ITGB7: variants seen among roughly 807,000 people sequenced by gnomAD.
The protein encoded by ITGB7 is integrin subunit beta 7.
ITGB7 carries 55 observed loss-of-function variants against 83.4 expected under a neutral mutation model. The ratio of observed to expected loss-of-function variants is 0.66; its 90% confidence interval spans 0.53 to 0.83. ITGB7 has a LOEUF of 0.83. Among genes scored for constraint, ITGB7 ranks in the 40% least tolerant of loss-of-function variants. The pLI, the probability that ITGB7 is intolerant of heterozygous loss-of-function variation, is 0.00. For synonymous variants in ITGB7, 454 were observed against 423.6 expected, an observed-to-expected ratio of 1.07 and a Z score of -0.88; for missense variants, 921 against 1,046.7, an observed-to-expected ratio of 0.88 and a Z score of 1.66.
Position 53,192,537 on chromosome 12 carries a change from C to T in ITGB7, c.1948G>A (p.Asp650Asn), listed in dbSNP as rs766166197. The T allele has an allele frequency of 6.2e-7, 1 of 1,613,732 alleles. No homozygotes were observed. The highest frequency in any genetic ancestry group is 1.7e-5 in the Admixed American group (1 of 60,032). The stretch of plus-strand genomic sequence containing the variant: ...CTGAAGGCCCCACACTCTGCACAGT[C>T]CCTGTGTAGTAGATGCCAATAGGTT... Reference protein sequence around the residue: ...GCKTPCERHRDCAECGAFRTG... With the variant: ...GCKTPCERHRNCAECGAFRTG... Residue 650 changes from aspartate to asparagine, a missense_variant and splice_region_variant, in exon 14 of 16, where the codon GAC (aspartate) becomes AAC (asparagine). By Grantham distance (23) the Asp-to-Asn change is conservative. Transcript: ENST00000267082.
At chr12:53,196,455 A>T in intron 6 of ITGB7, 124 bp downstream of exon 6, 1 of 1,339,892 alleles carries the variant, frequency 7.5e-7, no homozygotes, top group South Asian at 1.5e-5. Flanking sequence ...TAATTGCTAA[A>T]TATACAAACT....
chr12:53,191,904 T>C lies in ITGB7; in HGVS notation c.2271A>G (p.Glu757=), dbSNP rs1197102258. The change falls in exon 15 of 16, where the codon GAA becomes GAG. Residue 757 remains glutamate, a synonymous_variant. Transcript: ENST00000267082. ...RLSVEIYDRR[E]YSRFEKEQQQ... ...GCTGCTCCTTCTCAAAGCGACTGTATTCCCGGCGGTCATAGATTTCCACCG... is the reference window on the plus strand; with the variant it reads ...GCTGCTCCTTCTCAAAGCGACTGTACTCCCGGCGGTCATAGATTTCCACCG... 1 of 1,612,364 alleles carries C rather than the reference T, an allele frequency of 6.2e-7. No homozygotes were observed. The highest frequency in any genetic ancestry group is 1.1e-5 in the South Asian group (1 of 91,076).
intron 5 of ITGB7, 195 bp downstream of exon 5, chr12:53,197,298 C>A: frequency 3.0e-6 from 2 of 674,032 alleles, no homozygotes; most frequent in Non-Finnish European, 5.4e-6. Flanking sequence ...CGGATAGTCT[C>A]TTGAGTCCTC....
rs758177111 is a variant in ITGB7, at chr12:53,196,042, A to G, written c.974T>C (p.Phe325Ser). ...SNGLYSRSTE[F>S]DYPSVGQVAQ... Reference sequence around the variant, plus strand: ...GGCAGGGTGACAATAGGGACTCACAAACTCTGTGCTGCGACTGTAGAGGCC... The same window carrying G: ...GGCAGGGTGACAATAGGGACTCACAGACTCTGTGCTGCGACTGTAGAGGCC... The change falls in exon 7 of 16, where the codon TTT becomes TCT. Residue 325 changes from phenylalanine to serine, a missense_variant and splice_region_variant. Phe to Ser is a radical substitution (Grantham distance 155). Transcript: ENST00000267082. 5.6e-6 allele frequency: 9 copies of G among 1,613,850 alleles called. No homozygotes were observed. The highest frequency in any genetic ancestry group is 5.9e-6 in the Non-Finnish European group (7 of 1,179,786).
intron 5 of ITGB7, 85 bp from the exon 6 acceptor site, chr12:53,196,905 G>A (rs1179959890): frequency 4.0e-6 from 6 of 1,495,790 alleles, no homozygotes; most frequent in Non-Finnish European, 4.5e-6. Flanking sequence ...GGGAAGTGGG[G>A]TGGGGAGGAC....
At chr12:53,195,563 C>A in intron 8 of ITGB7, 63 bp downstream of exon 8, 1 of 1,541,018 alleles carries the variant, frequency 6.5e-7, no homozygotes, top group Non-Finnish European at 9.0e-7. Flanking sequence ...GAGAATGTAT[C>A]TTTGGGGGAA....
chr12:53,196,363 G>T (rs913499960), intron 6 of ITGB7, 164 bp from the exon 7 acceptor site: 4 of 1,004,426 alleles, frequency 4.0e-6, no homozygotes, highest in African/African-American at 1.6e-5. Flanking sequence ...GCCCCCTAAA[G>T]AAGGCTGCTG....
chr12:53,196,307 G>A, intron 6 of ITGB7, 108 bp from the exon 7 acceptor site: 1 of 1,345,792 alleles, frequency 7.4e-7, no homozygotes, highest in Non-Finnish European at 1.0e-6. Flanking sequence ...GAGTCAGCTT[G>A]TCCATCCCCT....
chr12:53,197,219 G>T (rs999835395), intron 5 of ITGB7: 2 of 574,636 alleles, frequency 3.5e-6, no homozygotes, highest in African/African-American at 3.7e-5. Context: ...GTAGGCCCAG[G>T]GCAGCTGTCC....
chr12:53,196,796 G>A lies in ITGB7; in HGVS notation c.599C>T (p.Thr200Met), dbSNP rs144035975. 1,125 of 1,601,446 alleles carry A rather than the reference G, an allele frequency of 7.0e-4. 1 individual carries two copies. Among genetic ancestry groups the A allele is most frequent in the Non-Finnish European group, 9.2e-4 (1,072 of 1,169,810 alleles). The part of the protein sequence containing the change: ...RIGFGSFVDK[T>M]VLPFVSTVPS... The stretch of plus-strand genomic sequence containing the variant: ...TACTGTGCTCACAAAGGGCAGCACC[G>A]TTTTGTCCACAAAGGAACCAAAACC... Residue 200 changes from threonine to methionine, a missense_variant, in exon 6 of 16, where the codon ACG (threonine) becomes ATG (methionine). Coordinates refer to ENST00000267082, the MANE Select transcript of ITGB7 (RefSeq NM_000889.3).
Position 53,192,809 on chromosome 12 carries a change from C to T in ITGB7, c.1828G>A (p.Gly610Arg). The change falls in exon 13 of 16, where the codon GGA becomes AGA. Residue 610 changes from glycine to arginine, a missense_variant. Transcript: ENST00000267082. ...GDMDSCISPEGGLCSGHGRCK... is the reference protein window; with the variant it reads ...GDMDSCISPERGLCSGHGRCK... ...CGTCCATGCCCACTGCAGAGCCCTC[C>T]CTCGGGACTGATGCAACTGTCCATG... 4 of 1,614,240 alleles carry T rather than the reference C, an allele frequency of 2.5e-6. No individual in the cohort carries two copies. The highest frequency in any genetic ancestry group is 3.4e-6 in the Non-Finnish European group (4 of 1,180,038).
chr12:53,197,347 T>C (rs567484565), intron 5 of ITGB7, 146 bp downstream of exon 5: 1 of 847,682 alleles, frequency 1.2e-6, no homozygotes, highest in East Asian at 2.5e-5. Context: ...TAGGGAGAGA[T>C]GCAGGAACGA....
chr12:53,205,329 C>T (rs1423716007), intron 1 of ITGB7, among the ~76,000 whole-genome samples: 6 of 151,938 alleles, frequency 3.9e-5, no homozygotes, highest in East Asian at 1.9e-4. Context: ...GTACTACAGG[C>T]GCATGCTACC....
At chr12:53,205,183 T>C (rs1346262630) in intron 1 of ITGB7, among the ~76,000 whole-genome samples, 1 of 152,044 alleles carries the variant, frequency 6.6e-6, no homozygotes, top group Non-Finnish European at 1.5e-5. Flanking sequence ...AATGTATGTA[T>C]TTATTTATTT....
chr12:53,192,393 A>G lies in ITGB7; in HGVS notation c.2092T>C (p.Phe698Leu). Residue 698 changes from phenylalanine to leucine, a missense_variant, in exon 14 of 16, where the codon TTC (phenylalanine) becomes CTC (leucine). By Grantham distance (22) the Phe-to-Leu change is conservative. Coordinates refer to ENST00000267082, the MANE Select transcript of ITGB7 (RefSeq NM_000889.3). ...CKERTLDNQL[F>L]FFLVEDDARG... ...GCGTCATCCTCCACCAAGAAGAAGAACAGCTGGTTGTCCAGGGTCCGCTCT... is the reference window on the plus strand; with the variant it reads ...GCGTCATCCTCCACCAAGAAGAAGAGCAGCTGGTTGTCCAGGGTCCGCTCT... 5 of 1,614,138 alleles carry G rather than the reference A, an allele frequency of 3.1e-6. No individual in the cohort carries two copies. The highest frequency in any genetic ancestry group is 1.1e-5 in the South Asian group (1 of 91,078).
rs190532079 is a variant in ITGB7, at chr12:53,202,563, C to T, written c.-126-1369G>A. Among the ~76,000 whole-genome samples, 332 of 151,770 alleles carry T rather than the reference C, an allele frequency of 2.2e-3. 1 individual carries two copies. Among genetic ancestry groups the T allele is most frequent in the African/African-American group, 7.3e-3 (304 of 41,500 alleles). On this transcript the variant is annotated intron_variant, in intron 1 of 15. Coordinates refer to ENST00000267082, the MANE Select transcript of ITGB7 (RefSeq NM_000889.3). ...AGAGAGAGGGTTTGACCACATTGGC[C>T]GGGCTGGTCTCAAACTCCTGACCTC...
intron 15 of ITGB7, 41 bp from the exon 16 acceptor site, chr12:53,191,677 A>G: frequency 6.3e-7 from 1 of 1,582,970 alleles, no homozygotes; most frequent in Non-Finnish European, 8.7e-7. Flanking sequence ...AAATCCCAGG[A>G]TTCCTCGTCC....
In ITGB7 at chr12:53,197,669, G is replaced by A. The variant is rs766630865; in HGVS notation, c.404-6C>T. On this transcript the variant is annotated splice_polypyrimidine_tract_variant and splice_region_variant and intron_variant, in intron 4 of 15. Transcript: ENST00000267082. Reference sequence around the variant, plus strand: ...CTGGAGCTGCTGGGGCTCCCCTAGGGGGTGGGCGGCGGGCGGGTCAGCAGA... The same window carrying A: ...CTGGAGCTGCTGGGGCTCCCCTAGGAGGTGGGCGGCGGGCGGGTCAGCAGA... 2 of 1,613,258 alleles carry A rather than the reference G, an allele frequency of 1.2e-6. No individual in the cohort carries two copies. Among genetic ancestry groups the A allele is most frequent in the South Asian group, 2.2e-5 (2 of 90,994 alleles).
chr12:53,196,502 G>T (rs994114280), intron 6 of ITGB7, 77 bp downstream of exon 6: 1 of 1,527,606 alleles, frequency 6.5e-7, no homozygotes, highest in Non-Finnish European at 8.9e-7. Flanking sequence ...CCCTAGAACT[G>T]TGCACTACAC....
Sources: allele counts gnomAD v4.1 joint callset (sites outside exome capture counted in the v4.1 genomes callset), GRCh38; gene constraint gnomAD v4.1.1; transcripts MANE v1.5; gene names NCBI Gene and HGNC (gene_info 2026-07-23, HGNC 2026-07-21).